EPHB2: variants seen among roughly 807,000 people sequenced by gnomAD.
The protein encoded by EPHB2 is EPH receptor B2.
In EPHB2, 18 loss-of-function variants were observed where a neutral mutation model predicts 96.4. The ratio of observed to expected loss-of-function variants is 0.19; its 90% CI spans 0.13 to 0.28. EPHB2 has a LOEUF of 0.28. Ranked by LOEUF, EPHB2 falls within the 10% of genes least tolerant of loss-of-function variation. The pLI is 1.00. For missense variants in EPHB2, 989 were observed against 1,355.4 expected (o/e 0.73, Z 4.25); for synonymous variants, 506 against 534.1 (o/e 0.95, Z 0.72).
chr1:22,734,712 A>G (rs1242098436), intron 1 of EPHB2, among the ~76,000 whole-genome samples: 1 of 151,632 alleles, frequency 6.6e-6, no homozygotes, highest in Non-Finnish European at 1.5e-5. Flanking sequence ...ATGAGCTACC[A>G]CTCCCGGCCT....
intron 3 of EPHB2, among the ~76,000 whole-genome samples, chr1:22,819,507 T>C (rs1163468382): frequency 6.6e-6 from 1 of 152,146 alleles, no homozygotes; most frequent in South Asian, 2.1e-4. Flanking sequence ...TAAGTCACCA[T>C]GAGTCAAACC....
intron 3 of EPHB2, among the ~76,000 whole-genome samples, chr1:22,805,143 G>A (rs1164683310): frequency 6.6e-6 from 1 of 151,302 alleles, no homozygotes; most frequent in Non-Finnish European, 1.5e-5. Context: ...CTGCAGGTAC[G>A]GGATGAGCCA....
rs145127895 is a variant in EPHB2 at position 22,711,659 on chromosome 1, G to A, written c.61+616G>A. 5.9e-3 allele frequency among the ~76,000 whole-genome samples: 895 copies of A among 152,100 alleles called. 8 individuals are homozygous for A. Among genetic ancestry groups the A allele is most frequent in the African/African-American group, 0.02 (845 of 41,546 alleles). Reference sequence around the variant, plus strand: ...GTCCCCTCCCCGAGAGGACTGCGCGGGGGATGGGTCTGTGGGCATCTCTCC... The same window carrying A: ...GTCCCCTCCCCGAGAGGACTGCGCGAGGGATGGGTCTGTGGGCATCTCTCC... On this transcript the variant is annotated intron_variant, in intron 1 of 15. Coordinates refer to ENST00000374630, the MANE Select transcript of EPHB2 (RefSeq NM_017449.5).
chr1:22,908,903 G>T, intron 12 of EPHB2, 119 bp from the exon 13 acceptor site: 1 of 1,480,846 alleles, frequency 6.8e-7, no homozygotes, highest in South Asian at 1.2e-5. Context: ...GGTAAGTTTG[G>T]GGCACAATGA....
intron 1 of EPHB2, among the ~76,000 whole-genome samples, chr1:22,720,715 C>A (rs905834127): frequency 3.6e-5 from 5 of 137,646 alleles, no homozygotes. Context: ...TGTTATCTGC[C>A]TCTTCTGAGA....
chr1:22,736,377 TC>T (rs1305051021), intron 1 of EPHB2, among the ~76,000 whole-genome samples: 1 of 152,138 alleles, frequency 6.6e-6, no homozygotes, highest in Non-Finnish European at 1.5e-5. Flanking sequence ...TAAAAGCCTC[TC>T]CCCTTCAACT....
intron 1 of EPHB2, among the ~76,000 whole-genome samples, chr1:22,745,282 T>C (rs1643956447): frequency 6.6e-6 from 1 of 152,226 alleles, no homozygotes; most frequent in African/African-American, 2.4e-5. Context: ...AAGCTGCTGA[T>C]AACACGCAGC....
chr1:22,793,154 G>A (rs923674724), intron 3 of EPHB2, among the ~76,000 whole-genome samples: 2 of 152,162 alleles, frequency 1.3e-5, no homozygotes, highest in Admixed American at 6.5e-5. Flanking sequence ...TTTCTCTCTG[G>A]TCTTCAAATT....
chr1:22,833,706 A>G (rs751142866), intron 3 of EPHB2, among the ~76,000 whole-genome samples: 2 of 152,228 alleles, frequency 1.3e-5, no homozygotes, highest in African/African-American at 4.8e-5. Flanking sequence ...TAAATGGATT[A>G]TAAATAAAAC....
At chr1:22,887,321 A>G (rs983764780) in intron 6 of EPHB2, among the ~76,000 whole-genome samples, 2 of 152,182 alleles carry the variant, frequency 1.3e-5, no homozygotes, top group East Asian at 3.9e-4. Context: ...TATTCCAGCA[A>G]GTCCACAGCC....
At chr1:22,842,661 G>A (rs1570371058) in intron 3 of EPHB2, among the ~76,000 whole-genome samples, 1 of 152,204 alleles carries the variant, frequency 6.6e-6, no homozygotes, top group East Asian at 1.9e-4. Flanking sequence ...CACAGTTTTG[G>A]CTCCTTCCTC....
At chr1:22,833,480 GAGGAAT>G (rs1645336905) in intron 3 of EPHB2, among the ~76,000 whole-genome samples, 1 of 152,198 alleles carries the variant, frequency 6.6e-6, no homozygotes, top group African/African-American at 2.4e-5. Context: ...TAGAAGCTGG[GAGGAAT>G]AGGATTGGAA....
intron 1 of EPHB2, among the ~76,000 whole-genome samples, chr1:22,714,705 CGT>C: frequency 6.6e-6 from 1 of 152,148 alleles, no homozygotes; most frequent in East Asian, 1.9e-4. Flanking sequence ...TGTGTGGTGA[CGT>C]TCAGATGAGC....
intron 1 of EPHB2, among the ~76,000 whole-genome samples, chr1:22,741,696 A>AAAAAAAAAAAAAAAAAAC (rs55743842): frequency 2.2e-5 from 3 of 137,298 alleles, no homozygotes; most frequent in Non-Finnish European, 3.2e-5. Flanking sequence ...AAACAAAAAA[A>AAAAAAAAAAAAAAAAAAC]CAAAAAACCT....
rs1256565919 is a variant in EPHB2, at chr1:22,863,134, T to C, written c.909T>C (p.Cys303=). The C allele has an allele frequency of 2.4e-5, 39 of 1,614,172 alleles. No homozygotes were observed. Among genetic ancestry groups the C allele is most frequent in the Non-Finnish European group, 3.2e-5 (38 of 1,180,030 alleles). The change falls in exon 4 of 16, where the codon TGT becomes TGC. Residue 303 remains cysteine, a synonymous_variant. Coordinates refer to ENST00000374630, the MANE Select transcript of EPHB2 (RefSeq NM_017449.5). ...SRTTSEGATN[C]VCRNGYYRAD... Reference sequence around the variant, plus strand: ...CCACTTCTGAAGGGGCCACCAACTGTGTCTGCCGCAATGGCTACTACAGAG... The same window carrying C: ...CCACTTCTGAAGGGGCCACCAACTGCGTCTGCCGCAATGGCTACTACAGAG...
In EPHB2 at chr1:22,845,565, G is replaced by C. The variant is rs565348649; in HGVS notation, c.812-17472G>C. On this transcript the variant is annotated intron_variant, in intron 3 of 15. Coordinates refer to ENST00000374630, the MANE Select transcript of EPHB2 (RefSeq NM_017449.5). Reference sequence around the variant, plus strand: ...TTAGTCCTTGTCTGTGGGTGCTAGAGCTAAGTGCTTGTCAAGTTTATGAAC... The same window carrying C: ...TTAGTCCTTGTCTGTGGGTGCTAGACCTAAGTGCTTGTCAAGTTTATGAAC... 1.9e-4 allele frequency among the ~76,000 whole-genome samples: 29 copies of C among 152,274 alleles called. No homozygotes were observed. In the South Asian group the frequency reaches 6.0e-3, roughly 32 times the overall value.
At chr1:22,865,689 G>A (rs1047279267) in intron 5 of EPHB2, among the ~76,000 whole-genome samples, 1 of 152,206 alleles carries the variant, frequency 6.6e-6, no homozygotes, top group African/African-American at 2.4e-5. Flanking sequence ...GATGTTTGAA[G>A]CAAGGTAGGT....
intron 5 of EPHB2, among the ~76,000 whole-genome samples, chr1:22,879,142 C>G (rs921586265): frequency 6.6e-6 from 1 of 152,206 alleles, no homozygotes; most frequent in Non-Finnish European, 1.5e-5. Context: ...CTCCCAGAAT[C>G]TCTGGCAGCT....
chr1:22,832,764 C>G (rs2148487940), intron 3 of EPHB2, among the ~76,000 whole-genome samples: 1 of 152,220 alleles, frequency 6.6e-6, no homozygotes, highest in East Asian at 1.9e-4. Context: ...TTAGGTGCTC[C>G]CACCTAAGAC....
Sources: gnomAD v4.1 joint callset for allele counts (sites outside exome capture counted in the v4.1 genomes callset) on GRCh38, gnomAD v4.1.1 for gene constraint, MANE v1.5 for transcripts, NCBI Gene and HGNC (gene_info 2026-07-23, HGNC 2026-07-21) for gene names.